STX2: variants seen among roughly 807,000 people sequenced by gnomAD.
STX2 encodes syntaxin-2.
In STX2, 27 loss-of-function variants were observed where a neutral mutation model predicts 40.6. That is an observed-to-expected ratio of 0.66 (90% confidence interval 0.49 to 0.92). The LOEUF is 0.92. Ranked by LOEUF, STX2 falls within the 40% of genes least tolerant of loss-of-function variation. The pLI is 0.00. For missense variants in STX2, 328 were observed against 366.1 expected, an observed-to-expected ratio of 0.90 and a Z score of 0.85; for synonymous variants, 123 against 119.1, an observed-to-expected ratio of 1.03 and a Z score of -0.22.
intron 1 of STX2, among the ~76,000 whole-genome samples, chr12:130,829,295 C>T (rs1463875388): frequency 6.6e-6 from 1 of 152,216 alleles, no homozygotes; most frequent in Admixed American, 6.5e-5. Context: ...ACTTCCAGCT[C>T]ACAAGAGTTG....
At chr12:130,792,441 TTTC>T (rs1950905463) in intron 10 of STX2, among the ~76,000 whole-genome samples, 1 of 152,194 alleles carries the variant, frequency 6.6e-6, no homozygotes, top group Admixed American at 6.5e-5. Flanking sequence ...TTTAAACGAA[TTTC>T]TTGTTGGCTG....
At chr12:130,799,353 C>G (rs1951139004) in intron 8 of STX2, among the ~76,000 whole-genome samples, 1 of 152,178 alleles carries the variant, frequency 6.6e-6, no homozygotes, top group South Asian at 2.1e-4. Flanking sequence ...TGAAACAAAG[C>G]CAGGGATGCA....
chr12:130,806,893 A>G, intron 6 of STX2, 89 bp downstream of exon 6: 1 of 1,233,842 alleles, frequency 8.1e-7, no homozygotes, highest in Non-Finnish European at 1.2e-6. Context: ...ATAGACATGG[A>G]TTTCCTTTTC....
At chr12:130,818,048 C>T (rs1951927306) in intron 3 of STX2, among the ~76,000 whole-genome samples, 1 of 150,786 alleles carries the variant, frequency 6.6e-6, no homozygotes, top group African/African-American at 2.5e-5. Flanking sequence ...CCTGGCCACG[C>T]AGCTCCTTAC....
Position 130,808,609 on chromosome 12 carries a change from C to A in STX2, c.354+22G>T, listed in dbSNP as rs201294270. The A allele has an allele frequency of 5.6e-6, 9 of 1,602,954 alleles. No homozygotes were observed. The East Asian group carries it at 6.7e-5, about 12-fold the overall frequency. ...ACTTATTCTGCGACATTACTTTAAT[C>A]TAAACGAGGCTGATAGCAAACCTGG... On this transcript the variant is annotated intron_variant, in intron 5 of 10. Transcript: ENST00000392373.
chr12:130,810,558 G>T (rs1200629499), intron 4 of STX2: 1 of 152,154 alleles, frequency 6.6e-6, no homozygotes, highest in Non-Finnish European at 1.5e-5. Context: ...TGAGCATGGG[G>T]ACTTTTGTCA....
At chr12:130,829,690 C>T (rs1379306652) in intron 1 of STX2, among the ~76,000 whole-genome samples, 6 of 152,356 alleles carry the variant, frequency 3.9e-5, no homozygotes, top group Middle Eastern at 6.8e-3. Flanking sequence ...TAGCTGGGCA[C>T]GGGGTCTCAC....
chr12:130,797,074 G>C (rs1363159854), intron 9 of STX2, among the ~76,000 whole-genome samples: 1 of 152,222 alleles, frequency 6.6e-6, no homozygotes, highest in Non-Finnish European at 1.5e-5. Context: ...TGTCATTTCT[G>C]AAACAGGCAT....
intron 3 of STX2, among the ~76,000 whole-genome samples, chr12:130,818,571 G>A (rs1238680851): frequency 6.6e-6 from 1 of 152,192 alleles, no homozygotes; most frequent in African/African-American, 2.4e-5. Context: ...CAGGGCCTCA[G>A]GGGCCTCCGC....
chr12:130,804,193 C>T (rs1213447755), intron 6 of STX2, among the ~76,000 whole-genome samples: 2 of 152,152 alleles, frequency 1.3e-5, no homozygotes, highest in African/African-American at 2.4e-5. Context: ...GCATACAGCA[C>T]AGGAAAAGAT....
intron 1 of STX2, among the ~76,000 whole-genome samples, chr12:130,828,279 G>A (rs1952403083): frequency 2.0e-5 from 3 of 151,794 alleles, no homozygotes; most frequent in Non-Finnish European, 2.9e-5. Context: ...AGTGTGGAGT[G>A]TGCAGTGGCA....
intron 3 of STX2, among the ~76,000 whole-genome samples, chr12:130,820,761 A>G (rs1952081917): frequency 1.3e-5 from 2 of 152,192 alleles, no homozygotes; most frequent in African/African-American, 4.8e-5. Context: ...ACAACGAAAG[A>G]TGTGCGCGAC....
intron 8 of STX2, among the ~76,000 whole-genome samples, chr12:130,799,813 CAAAAA>C (rs57853266): frequency 1.5e-5 from 2 of 137,126 alleles, no homozygotes; most frequent in African/African-American, 5.3e-5. Flanking sequence ...GACCCTGTCT[CAAAAA>C]AAAAAAAAAA....
intron 2 of STX2, 61 bp downstream of exon 2, chr12:130,827,132 T>TG: frequency 2.1e-6 from 1 of 484,818 alleles, no homozygotes; most frequent in Non-Finnish European, 3.3e-6. Context: ...GAGGGAGGGG[T>TG]GGGGGGAGGG....
At chr12:130,837,389 A>G (rs10773827) in intron 1 of STX2, among the ~76,000 whole-genome samples, 150,018 of 152,268 alleles carry the variant, frequency 0.99, 73,926 homozygotes, top group East Asian at 1. Context: ...CGCCTCCTGG[A>G]TTCAAGCGAT....
At chr12:130,828,181 A>C (rs565432587) in intron 1 of STX2, among the ~76,000 whole-genome samples, 2 of 152,266 alleles carry the variant, frequency 1.3e-5, no homozygotes, top group East Asian at 3.9e-4. Flanking sequence ...TTAATATATA[A>C]ACCAATAAAG....
chr12:130,811,485 T>C (rs1403014747), intron 4 of STX2, among the ~76,000 whole-genome samples: 1 of 151,574 alleles, frequency 6.6e-6, no homozygotes, highest in East Asian at 1.9e-4. Flanking sequence ...ATTTAAAATT[T>C]TACTGAACTT....
intron 3 of STX2, among the ~76,000 whole-genome samples, chr12:130,814,756 C>G (rs1392033068): frequency 6.6e-6 from 1 of 151,744 alleles, no homozygotes; most frequent in Non-Finnish European, 1.5e-5. Context: ...CCTGCCTCAG[C>G]CTCCCAAGTA....
At chr12:130,813,121 T>C (rs1951723198) in intron 3 of STX2, 90 bp from the exon 4 acceptor site, 1 of 808,802 alleles carries the variant, frequency 1.2e-6, no homozygotes. Flanking sequence ...AGTGAAACAG[T>C]ATCCTTAGTA....
Sources: gnomAD v4.1 joint callset for allele counts (sites outside exome capture counted in the v4.1 genomes callset) on GRCh38, gnomAD v4.1.1 for gene constraint, MANE v1.5 for transcripts, NCBI Gene and HGNC (gene_info 2026-07-23, HGNC 2026-07-21) for gene names.